The following MLC1 variants were observed in gnomAD, a reference collection of about 807,000 sequenced individuals.
The protein encoded by MLC1 is membrane protein MLC1.
MLC1 carries 32 observed loss-of-function variants against 44.7 expected under a neutral mutation model. The ratio of observed to expected loss-of-function variants is 0.72; its 90% CI spans 0.54 to 0.96. MLC1 has a LOEUF of 0.96. Among genes scored for constraint, MLC1 ranks in the 40% least tolerant of loss-of-function variants. The pLI, the probability that MLC1 is intolerant of heterozygous loss-of-function variation, is 0.00. For missense variants in MLC1, 459 were observed against 492.2 expected (o/e 0.93, Z 0.64); for synonymous variants, 190 against 213.0 (o/e 0.89, Z 0.94).
chr22:50,071,896 G>A (rs1404318911), intron 8 of MLC1, among the ~76,000 whole-genome samples: 9 of 152,202 alleles, frequency 5.9e-5, no homozygotes, highest in African/African-American at 2.2e-4. Flanking sequence ...ATCAGCCAGG[G>A]GCTGTGGTGA....
intron 1 of MLC1, 29 bp from the exon 2 acceptor site, chr22:50,084,990 C>A (rs1313417952): frequency 6.4e-7 from 1 of 1,567,266 alleles, no homozygotes; most frequent in African/African-American, 1.3e-5. Context: ...CGGCTTTGGC[C>A]ACTCTGAGGA....
Position 50,066,858 on chromosome 22 carries a change from T to C in MLC1, c.894+1575A>G, listed in dbSNP as rs546959910. On this transcript the variant is annotated intron_variant, in intron 10 of 11. Transcript: ENST00000311597. The stretch of plus-strand genomic sequence containing the variant: ...ATTTTATATATTCAAAAAATACCAT[T>C]TTAAAAAGAAAAAAAGCACCAAGCC... Among the ~76,000 whole-genome samples, 5 of 147,058 alleles carry C rather than the reference T, an allele frequency of 3.4e-5. No individual in the cohort carries two copies. In the East Asian group the frequency reaches 8.2e-4, roughly 24 times the overall value.
In MLC1 at chr22:50,070,297, C is replaced by T. The variant is rs948681803; in HGVS notation, c.771+230G>A. The stretch of plus-strand genomic sequence containing the variant: ...AAGGGTTAGGCACAGAGAGCGCTTC[C>T]AGTGTCTACACCACCTTGTTCAGGT... On this transcript the variant is annotated intron_variant, in intron 9 of 11. Coordinates refer to ENST00000311597, the MANE Select transcript of MLC1 (RefSeq NM_015166.4). Among the ~76,000 whole-genome samples, 4 of 152,368 alleles carry T rather than the reference C, an allele frequency of 2.6e-5. No individual in the cohort carries two copies. In the South Asian group the frequency reaches 6.2e-4, roughly 24 times the overall value.
chr22:50,065,387 G>A (rs1237867383), intron 10 of MLC1, among the ~76,000 whole-genome samples: 1 of 151,588 alleles, frequency 6.6e-6, no homozygotes, highest in Non-Finnish European at 1.5e-5. Context: ...AAAATCCAGA[G>A]CCATTAAAGA....
intron 5 of MLC1, among the ~76,000 whole-genome samples, chr22:50,078,504 C>T (rs1347931837): frequency 1.3e-5 from 2 of 151,152 alleles, no homozygotes; most frequent in Non-Finnish European, 3.0e-5. Flanking sequence ...TTTGGGGGAC[C>T]GAGGCGGTTG....
Position 50,061,297 on chromosome 22 carries a change from C to T in MLC1, c.*286G>A, listed in dbSNP as rs1241184014. ...TTCAGGGGTGGGGCTCTCAAGAGGCCGAGCCGGGGGCCCTTCCTCGGCCTG... is the reference window on the plus strand; with the variant it reads ...TTCAGGGGTGGGGCTCTCAAGAGGCTGAGCCGGGGGCCCTTCCTCGGCCTG... On this transcript the variant is annotated 3_prime_UTR_variant, in exon 12 of 12. Coordinates refer to ENST00000311597, the MANE Select transcript of MLC1 (RefSeq NM_015166.4). The T allele has an allele frequency of 8.1e-6, 4 of 495,932 alleles. No homozygotes were observed. Among genetic ancestry groups the T allele is most frequent in the African/African-American group, 3.9e-5 (2 of 51,256 alleles). The allele number at this position is 495,932 out of a possible 1,614,324, so 30.7% of individuals were successfully genotyped here.
At chr22:50,078,670 C>T (rs190756753) in intron 5 of MLC1, among the ~76,000 whole-genome samples, 8 of 149,604 alleles carry the variant, frequency 5.3e-5, no homozygotes, top group South Asian at 2.1e-4. Context: ...ACCCGAGAGG[C>T]GGAGGTTGCC....
At chr22:50,077,291 C>T (rs2062007517) in intron 6 of MLC1, 110 bp downstream of exon 6, 1 of 986,452 alleles carries the variant, frequency 1.0e-6, no homozygotes, top group African/African-American at 1.6e-5. Context: ...ATGGGAATGC[C>T]CTGGAGCAGC....
At chr22:50,071,534 G>A (rs538236806) in intron 8 of MLC1, among the ~76,000 whole-genome samples, 1 of 152,160 alleles carries the variant, frequency 6.6e-6, no homozygotes, top group African/African-American at 2.4e-5. Context: ...GGTCGCTTCT[G>A]GGGGGTGCAG....
Position 50,064,131 on chromosome 22 carries a change from C to A in MLC1, c.962G>T (p.Gly321Val), listed in dbSNP as rs1379370296. 4 of 1,609,542 alleles carry A rather than the reference C, an allele frequency of 2.5e-6. No homozygotes were observed. The highest frequency in any genetic ancestry group is 1.3e-5 in the African/African-American group (1 of 74,930). ...VLLLQAGLNT[G>V]TAIQCVRFKV... ...GAAGCGCACGCACTGGATGGCGGTG[C>A]CCGTGTTGAGGCCGGCCTGCAGCAG... The change falls in exon 11 of 12, where the codon GGC (glycine) becomes GTC (valine). Residue 321 changes from glycine (G) to valine (V), a missense_variant. Gly to Val is a moderately radical substitution (Grantham distance 109). Coordinates refer to ENST00000311597, the MANE Select transcript of MLC1 (RefSeq NM_015166.4).
chr22:50,081,009 A>AAAAGAAGAAAGAAAGAAAGAAAGAAAG (rs2062110743), intron 3 of MLC1, among the ~76,000 whole-genome samples: 3 of 96,740 alleles, frequency 3.1e-5, no homozygotes. Flanking sequence ...TTGTCTCAAA[A>AAAAGAAGAAAGAAAGAAAGAAAGAAAG]AAAGAAAGAA....
intron 7 of MLC1, chr22:50,074,549 T>C: frequency 1.7e-6 from 1 of 583,650 alleles, no homozygotes; most frequent in South Asian, 1.9e-5. Context: ...TGGAGTAAAA[T>C]AGCCAAAGAG....
At chr22:50,062,014 A>G (rs1367991218) in intron 11 of MLC1, among the ~76,000 whole-genome samples, 2 of 152,166 alleles carry the variant, frequency 1.3e-5, no homozygotes, top group African/African-American at 4.8e-5. Flanking sequence ...GGCAGAGGTA[A>G]CCAGATGCCT....
chr22:50,084,856 G>C lies in MLC1; in HGVS notation c.47C>G (p.Pro16Arg). The change falls in exon 2 of 12, where the codon CCC (proline) becomes CGC (arginine). Residue 16 changes from proline to arginine, a missense_variant. Physicochemically the swap from Pro to Arg is moderately radical, Grantham distance 103. Coordinates refer to ENST00000311597, the MANE Select transcript of MLC1 (RefSeq NM_015166.4). ...GTCTTGCCGGCCCCGCTCCAGCGTG[G>C]GCATCCGGTCATAGGCCAGCTCCTC... ...FREELAYDRM[P>R]TLERGRQDPA... The C allele has an allele frequency of 2.5e-6, 4 of 1,613,508 alleles. No homozygotes were observed. Among genetic ancestry groups the C allele is most frequent in the Non-Finnish European group, 3.4e-6 (4 of 1,180,044 alleles).
At position 50,083,033 on chromosome 22, in the gene MLC1, C is replaced by T; in HGVS notation, c.267+51G>A. On this transcript the variant is annotated intron_variant, in intron 3 of 11. Coordinates refer to ENST00000311597, the MANE Select transcript of MLC1 (RefSeq NM_015166.4). This position sits in a 1 kb window ranked among gnomAD's most constrained non-coding sequence, Gnocchi z 4.6. Reference sequence around the variant, plus strand: ...ACATCTCAGAACAAAGAAACCAGAGCACGTGCCGGCGAGCTTGGGCACTGG... The same window carrying T: ...ACATCTCAGAACAAAGAAACCAGAGTACGTGCCGGCGAGCTTGGGCACTGG... The T allele has an allele frequency of 6.5e-7, 1 of 1,540,972 alleles. No individual in the cohort carries two copies.
chr22:50,066,049 G>C (rs1185151689), intron 10 of MLC1, among the ~76,000 whole-genome samples: 1 of 151,574 alleles, frequency 6.6e-6, no homozygotes, highest in African/African-American at 2.4e-5. Context: ...AAAAAAACAA[G>C]CAAGGGGCTG....
At chr22:50,073,168 G>A (rs1166406963) in intron 8 of MLC1, among the ~76,000 whole-genome samples, 4 of 152,342 alleles carry the variant, frequency 2.6e-5, no homozygotes, top group South Asian at 2.1e-4. Flanking sequence ...CATGGGCCTC[G>A]GCAGCTTCAG....
rs528480199 is a variant in MLC1, at chr22:50,083,904, G to A, written c.178-731C>T. Among the ~76,000 whole-genome samples, 3 of 152,176 alleles carry A rather than the reference G, an allele frequency of 2.0e-5. No homozygotes were observed. The highest frequency in any genetic ancestry group is 4.8e-5 in the African/African-American group (2 of 41,516). ...CACCAGGTGGAGGAGGGCAGAGCCC[G>A]GAGATGGCCACCACCACCCGGGAGC... On this transcript the variant is annotated intron_variant, in intron 2 of 11. Coordinates refer to ENST00000311597, the MANE Select transcript of MLC1 (RefSeq NM_015166.4). This position sits in a 1 kb window ranked among gnomAD's most constrained non-coding sequence, Gnocchi z 4.6.
At chr22:50,067,002 C>A (rs1017111381) in intron 10 of MLC1, among the ~76,000 whole-genome samples, 1 of 152,180 alleles carries the variant, frequency 6.6e-6, no homozygotes, top group African/African-American at 2.4e-5. Flanking sequence ...TAGCAGAATG[C>A]ATGCTGAAGA....
Sources: gnomAD v4.1 joint callset for allele counts (sites outside exome capture counted in the v4.1 genomes callset) on GRCh38, gnomAD v4.1.1 for gene constraint, Gnocchi (gnomAD v3.1) non-coding constraint, MANE v1.5 for transcripts, NCBI Gene and HGNC (gene_info 2026-07-23, HGNC 2026-07-21) for gene names.